IPO8: variants seen among roughly 807,000 people sequenced by gnomAD.
The protein encoded by IPO8 is importin 8, also known as importin-8.
Under a neutral mutation model 141.2 loss-of-function variants are expected in IPO8, and 65 were observed. The ratio of observed to expected loss-of-function variants is 0.46; its 90% confidence interval spans 0.38 to 0.57. IPO8 has a LOEUF of 0.57. Ranked by LOEUF, IPO8 falls within the 20% of genes least tolerant of loss-of-function variation. IPO8 has a pLI of 0.00. For synonymous variants in IPO8, 411 were observed against 420.3 expected (o/e 0.98, Z 0.27); for missense variants, 980 against 1,246.8 (o/e 0.79, Z 3.22).
At chr12:30,655,020 T>TAA (rs1162170995) in intron 17 of IPO8, among the ~76,000 whole-genome samples, 1 of 148,308 alleles carries the variant, frequency 6.7e-6, no homozygotes, top group Non-Finnish European at 1.5e-5. Flanking sequence ...CAGTCCACCT[T>TAA]AAAAAAAAAA....
chr12:30,653,375 C>T (rs984351922), intron 17 of IPO8, among the ~76,000 whole-genome samples: 1 of 151,828 alleles, frequency 6.6e-6, no homozygotes, highest in African/African-American at 2.4e-5. Context: ...ATTTTATAAT[C>T]TATATTTATA....
intron 23 of IPO8, among the ~76,000 whole-genome samples, chr12:30,632,705 C>A (rs1051420268): frequency 6.6e-6 from 1 of 152,186 alleles, no homozygotes; most frequent in Non-Finnish European, 1.5e-5. Context: ...GAACCTCTAA[C>A]ACTTGGCTCC....
intron 23 of IPO8, among the ~76,000 whole-genome samples, chr12:30,632,746 C>G (rs1010783895): frequency 6.6e-6 from 1 of 152,198 alleles, no homozygotes; most frequent in Non-Finnish European, 1.5e-5. Context: ...TTTTTCTGCA[C>G]ATCATCCATC....
At chr12:30,676,899 T>C (rs2053127875) in intron 5 of IPO8, 3 of 1,517,772 alleles carry the variant, frequency 2.0e-6, no homozygotes, top group South Asian at 2.4e-5. Flanking sequence ...GACTTACCCC[T>C]TTGAGGGTCA....
At chr12:30,639,017 C>T (rs1193759292) in intron 21 of IPO8, among the ~76,000 whole-genome samples, 2 of 152,132 alleles carry the variant, frequency 1.3e-5, no homozygotes, top group Non-Finnish European at 2.9e-5. Flanking sequence ...TCACATAAAA[C>T]CAAATTCTCC....
intron 22 of IPO8, among the ~76,000 whole-genome samples, chr12:30,635,131 G>C (rs1211064766): frequency 6.6e-6 from 1 of 152,138 alleles, no homozygotes; most frequent in Non-Finnish European, 1.5e-5. Flanking sequence ...CATAGAAGTA[G>C]AGAATAGAAT....
intron 20 of IPO8, among the ~76,000 whole-genome samples, chr12:30,647,544 G>T (rs1038619754): frequency 3.7e-5 from 5 of 136,656 alleles, no homozygotes; most frequent in Non-Finnish European, 7.6e-5. Context: ...GGTCAAGGCT[G>T]CAGTGAGCCA....
At chr12:30,680,384 A>G (rs928996504) in intron 5 of IPO8, 98 bp downstream of exon 5, 3 of 938,608 alleles carry the variant, frequency 3.2e-6, no homozygotes, top group Admixed American at 5.4e-5. Context: ...GGGATAATAC[A>G]AAATAATTTT....
intron 17 of IPO8, among the ~76,000 whole-genome samples, chr12:30,655,384 C>T (rs1006204626): frequency 1.7e-4 from 26 of 151,912 alleles, no homozygotes; most frequent in Admixed American, 1.6e-3. Flanking sequence ...ATTTATACAC[C>T]GTTTTGAAAT....
chr12:30,669,378 T>C (rs2053016276), intron 9 of IPO8, 96 bp from the exon 10 acceptor site: 1 of 548,342 alleles, frequency 1.8e-6, no homozygotes, highest in East Asian at 2.9e-5. Flanking sequence ...CTTTATGATG[T>C]TAGTTTTCCA....
intron 24 of IPO8, among the ~76,000 whole-genome samples, chr12:30,631,357 A>C (rs933221751): frequency 4.6e-5 from 7 of 152,198 alleles, no homozygotes; most frequent in Non-Finnish European, 1.0e-4. Context: ...TTTCCTACTA[A>C]AATTTTTTTG....
intron 20 of IPO8, among the ~76,000 whole-genome samples, chr12:30,644,648 T>G (rs76408294): frequency 8.7e-5 from 13 of 148,720 alleles, no homozygotes; most frequent in Middle Eastern, 3.4e-3. Flanking sequence ...GTGTTTTTTT[T>G]TTTTGTTTTT....
chr12:30,680,757 G>A (rs2053181002), intron 4 of IPO8, 119 bp from the exon 5 acceptor site: 4 of 773,026 alleles, frequency 5.2e-6, no homozygotes, highest in Non-Finnish European at 7.8e-6. Context: ...ATTAACATTG[G>A]CTTCTAGTTT....
At chr12:30,684,119 G>C (rs759418784) in intron 3 of IPO8, among the ~76,000 whole-genome samples, 182 bp downstream of exon 3, 1 of 151,956 alleles carries the variant, frequency 6.6e-6, no homozygotes, top group Non-Finnish European at 1.5e-5. Context: ...AAAATATCTT[G>C]AGGCAAAGAA....
intron 2 of IPO8, chr12:30,686,701 T>A (rs1450925015): frequency 6.6e-6 from 1 of 152,138 alleles, no homozygotes; most frequent in East Asian, 1.9e-4. Context: ...CACAAAATCA[T>A]TTTGATCCCT....
chr12:30,633,956 A>G (rs1390538272), intron 23 of IPO8, 127 bp downstream of exon 23: 7 of 697,066 alleles, frequency 1.0e-5, no homozygotes, highest in Non-Finnish European at 1.7e-5. Context: ...GATTTCTATC[A>G]TAAGGAATAA....
chr12:30,673,899 T>A, intron 8 of IPO8, 91 bp downstream of exon 8: 1 of 678,170 alleles, frequency 1.5e-6, no homozygotes, highest in Non-Finnish European at 2.5e-6. Flanking sequence ...ATGTAATGAA[T>A]TAGTATGTTT....
At chr12:30,663,371 G>A (rs2052915407) in intron 14 of IPO8, 118 bp downstream of exon 14, 1 of 791,846 alleles carries the variant, frequency 1.3e-6, no homozygotes, top group Admixed American at 2.9e-5. Flanking sequence ...AAAATTCTGA[G>A]AGGGCAAAAC....
intron 2 of IPO8, among the ~76,000 whole-genome samples, chr12:30,690,030 A>AT (rs2053276713): frequency 6.6e-6 from 1 of 152,236 alleles, no homozygotes; most frequent in South Asian, 2.1e-4. Flanking sequence ...CAGACTTAAA[A>AT]GTAAGTTTCA....
Sources: gnomAD v4.1 joint callset for allele counts (sites outside exome capture counted in the v4.1 genomes callset) on GRCh38, gnomAD v4.1.1 for gene constraint, MANE v1.5 for transcripts, NCBI Gene and HGNC (gene_info 2026-07-23, HGNC 2026-07-21) for gene names.